Variants in MLIP observed in about 807,000 individuals in gnomAD.
MLIP encodes muscular LMNA-interacting protein.
In MLIP, 79 loss-of-function variants were observed where a neutral mutation model predicts 84.8. The observed-to-expected ratio is 0.93, with a 90% CI of 0.78 to 1.12. The LOEUF is 1.12. Ranked by LOEUF, MLIP falls within the 50% of genes most tolerant of loss-of-function variation. The probability of loss-of-function intolerance (pLI) is 0.00; values close to 1 mark genes in which losing one functional copy is unlikely to be tolerated. For missense variants in MLIP, 1,257 were observed against 1,160.6 expected, an observed-to-expected ratio of 1.08 and a Z score of -1.21; for synonymous variants, 504 against 463.0, an observed-to-expected ratio of 1.09 and a Z score of -1.14.
At chr6:54,230,678 C>A (rs911829543) in intron 11 of MLIP, 36 bp from the exon 12 acceptor site, 1 of 1,600,440 alleles carries the variant, frequency 6.2e-7, no homozygotes, top group African/African-American at 1.3e-5. Flanking sequence ...CTTTTTTATG[C>A]TAACATCCTC....
chr6:54,108,197 A>C (rs1299345100), upstream of MLIP, among the ~76,000 whole-genome samples: 2 of 152,190 alleles, frequency 1.3e-5, no homozygotes, highest in Non-Finnish European at 2.9e-5. Context: ...TTTCCTGTGA[A>C]AACAAAAAAA....
At chr6:54,254,614 C>A (rs984173282) in intron 12 of MLIP, among the ~76,000 whole-genome samples, 7 of 152,060 alleles carry the variant, frequency 4.6e-5, no homozygotes, top group African/African-American at 1.7e-4. Flanking sequence ...AACAAAATAG[C>A]AACATATCTA....
chr6:54,100,137 G>A (rs142664999), intron 1 of MLIP, among the ~76,000 whole-genome samples: 7 of 152,182 alleles, frequency 4.6e-5, no homozygotes, highest in South Asian at 4.2e-4. Flanking sequence ...TTATCACATG[G>A]TGCTCATCAT....
intron 1 of MLIP, among the ~76,000 whole-genome samples, chr6:54,112,240 A>G (rs1171847810): frequency 2.0e-5 from 3 of 152,212 alleles, no homozygotes; most frequent in African/African-American, 7.2e-5. Context: ...CTTAGGCTAC[A>G]TTGGAACTTA....
intron 1 of MLIP, among the ~76,000 whole-genome samples, chr6:54,048,713 A>AGCCT (rs1765212426): frequency 6.6e-6 from 1 of 152,148 alleles, no homozygotes; most frequent in African/African-American, 2.4e-5. Flanking sequence ...CTCTGGCCTG[A>AGCCT]GCCTCTGGTG....
intron 1 of MLIP, among the ~76,000 whole-genome samples, chr6:54,037,365 A>G (rs559856341): frequency 2.0e-5 from 3 of 151,888 alleles, no homozygotes; most frequent in Non-Finnish European, 2.9e-5. Flanking sequence ...AAGTCCATAT[A>G]TGGGATTGCT....
At chr6:54,252,089 A>G (rs1194955066) in intron 12 of MLIP, among the ~76,000 whole-genome samples, 1 of 81,620 alleles carries the variant, frequency 1.2e-5, no homozygotes, top group African/African-American at 6.4e-5. Flanking sequence ...TATAATATAA[A>G]TATATATTAT....
At chr6:54,033,773 T>C (rs993016935) in intron 1 of MLIP, among the ~76,000 whole-genome samples, 1 of 152,174 alleles carries the variant, frequency 6.6e-6, no homozygotes, top group East Asian at 1.9e-4. Context: ...CCCCAATGTG[T>C]AATAAACAAA....
In MLIP at chr6:54,124,779, C is replaced by A. The variant is rs780058208; in HGVS notation, c.559C>A (p.Arg187Ser). Reference protein sequence around the residue: ...ISSSLVSDVVRPKTQGTDLKT... With the variant: ...ISSSLVSDVVSPKTQGTDLKT... Reference sequence around the variant, plus strand: ...GTCCAGTCTGGTCTCTGATGTAGTGCGTCCCAAAACACAGGGGACTGATCT... The same window carrying A: ...GTCCAGTCTGGTCTCTGATGTAGTGAGTCCCAAAACACAGGGGACTGATCT... The change falls in exon 3 of 14, where the codon CGT becomes AGT. Residue 187 changes from arginine to serine, a missense_variant. Coordinates refer to ENST00000502396, the MANE Select transcript of MLIP (RefSeq NM_001281747.2). 6.2e-7 allele frequency: 1 copy of A among 1,614,092 alleles called. No individual in the cohort carries two copies. Among genetic ancestry groups the A allele is most frequent in the Non-Finnish European group, 8.5e-7 (1 of 1,180,004 alleles).
intron 4 of MLIP, among the ~76,000 whole-genome samples, chr6:54,142,337 A>G (rs9464026): frequency 7.2e-4 from 110 of 152,346 alleles, no homozygotes; most frequent in Middle Eastern, 3.4e-3. Flanking sequence ...TCAGAAGGTC[A>G]TATGTGTCAT....
rs3064622 is a variant in MLIP, at chr6:54,023,170, A to AAATAATAAT, written c.63+4098_63+4106dup. On this transcript the variant is annotated intron_variant, in intron 1 of 12. Coordinates refer to the MLIP transcript ENST00000274897. The stretch of plus-strand genomic sequence containing the variant: ...CGACAGAGCGAGACTCCATCTCAAA[A>AAATAATAAT]AATAATAATAATAATAATAATAATA... Among the ~76,000 whole-genome samples the AAATAATAAT allele has an allele frequency of 3.4e-3, 346 of 103,082 alleles. 3 individuals are homozygous for AAATAATAAT. Among genetic ancestry groups the AAATAATAAT allele is most frequent in the African/African-American group, 9.0e-3 (324 of 36,140 alleles). 67.6% of individuals were successfully genotyped at this position (103,082 alleles called of 152,430 possible). A position where few individuals can be genotyped will look rare whatever the true frequency, so the allele number is the denominator to read the frequency against.
intron 1 of MLIP, among the ~76,000 whole-genome samples, chr6:54,075,161 C>T (rs1004874508): frequency 2.7e-5 from 4 of 148,850 alleles, no homozygotes; most frequent in Non-Finnish European, 4.4e-5. Context: ...GCAGGAGAAT[C>T]GCTTGAACCG....
chr6:54,222,400 CTA>C (rs1489260493), intron 11 of MLIP, among the ~76,000 whole-genome samples: 1 of 151,974 alleles, frequency 6.6e-6, no homozygotes, highest in Non-Finnish European at 1.5e-5. Context: ...CTGGTAATCA[CTA>C]TTCTACTCTC....
chr6:54,123,954 A>C (rs962049832), intron 2 of MLIP, among the ~76,000 whole-genome samples: 3 of 152,220 alleles, frequency 2.0e-5, no homozygotes, highest in Non-Finnish European at 4.4e-5. Flanking sequence ...TGTTCTATTT[A>C]TGAGTTCTCC....
At chr6:54,159,202 T>C (rs936031670) in intron 5 of MLIP, among the ~76,000 whole-genome samples, 2 of 152,020 alleles carry the variant, frequency 1.3e-5, no homozygotes, top group Admixed American at 6.6e-5. Flanking sequence ...TGTAAGCCAC[T>C]GTGAATGGCC....
intron 10 of MLIP, among the ~76,000 whole-genome samples, chr6:54,196,626 C>G (rs1401517494): frequency 6.6e-6 from 1 of 151,940 alleles, no homozygotes; most frequent in East Asian, 1.9e-4. Flanking sequence ...TGCATTGAAT[C>G]AGTACCTCTT....
rs768650293 is a variant in MLIP at position 54,189,830 on chromosome 6, T to TATG, written c.2545-38_2545-36dup. 3.0e-4 allele frequency: 426 copies of TATG among 1,442,974 alleles called. 2 individuals are homozygous for TATG. The highest frequency in any genetic ancestry group is 7.3e-4 in the Middle Eastern group (4 of 5,472). 89.4% of individuals were successfully genotyped at this position (1,442,974 alleles called of 1,614,324 possible). ...TAAACACATACATATTTTAATAAATTATGAGTTTCACTAATAAATGCCATG... is the reference window on the plus strand; with the variant it reads ...TAAACACATACATATTTTAATAAATTATGATGAGTTTCACTAATAAATGCCATG... On this transcript the variant is annotated intron_variant, in intron 9 of 13. Coordinates refer to ENST00000502396, the MANE Select transcript of MLIP (RefSeq NM_001281747.2).
chr6:54,074,718 C>A lies in MLIP; in HGVS notation c.64-46729C>A, dbSNP rs9370261. 4.7e-4 allele frequency among the ~76,000 whole-genome samples: 72 copies of A among 152,130 alleles called. 1 individual carries two copies. The highest frequency in any genetic ancestry group is 1.7e-3 in the African/African-American group (70 of 41,496). On this transcript the variant is annotated intron_variant, in intron 1 of 12. Transcript: ENST00000274897. Reference sequence around the variant, plus strand: ...GGGGACACCAGTCTTGAGTTCGAAGCCCAACTGTGTCATCTGTTAGTTATG... The same window carrying A: ...GGGGACACCAGTCTTGAGTTCGAAGACCAACTGTGTCATCTGTTAGTTATG...
intron 1 of MLIP, among the ~76,000 whole-genome samples, chr6:54,065,971 A>G (rs796770806): frequency 2.0e-5 from 2 of 99,288 alleles, no homozygotes; most frequent in African/African-American, 5.1e-5. Flanking sequence ...ATACATCAAA[A>G]TATATATATA....
Sources: allele counts gnomAD v4.1 joint callset (sites outside exome capture counted in the v4.1 genomes callset), GRCh38; gene constraint gnomAD v4.1.1; transcripts MANE v1.5; gene names NCBI Gene and HGNC (gene_info 2026-07-23, HGNC 2026-07-21).